Variants in ADAM28 observed in about 807,000 individuals in gnomAD.
ADAM28 encodes the protein ADAM metallopeptidase domain 28.
Under a neutral mutation model 101.2 loss-of-function variants are expected in ADAM28, and 105 were observed. The ratio of observed to expected loss-of-function variants is 1.04; its 90% confidence interval spans 0.89 to 1.22. The LOEUF is 1.22. ADAM28 is among the 50% of genes most tolerant of loss of function. The pLI, the probability that ADAM28 is intolerant of heterozygous loss-of-function variation, is 0.00. For missense variants in ADAM28, 1,028 were observed against 945.4 expected (o/e 1.09, Z -1.15); for synonymous variants, 322 against 310.6 (o/e 1.04, Z -0.39).
chr8:24,304,836 A>G (rs1018795630), intron 2 of ADAM28, among the ~76,000 whole-genome samples: 4 of 151,444 alleles, frequency 2.6e-5, no homozygotes, highest in South Asian at 2.1e-4. Flanking sequence ...AATCATTGGA[A>G]CCTGGGAGGC....
intron 21 of ADAM28, 130 bp downstream of exon 21, chr8:24,352,182 A>C (rs1816237972): frequency 2.4e-6 from 2 of 841,636 alleles, no homozygotes; most frequent in Non-Finnish European, 1.8e-6. Flanking sequence ...TTAATATAAA[A>C]TACAAATTCT....
chr8:24,335,876 T>C, intron 14 of ADAM28: 2 of 1,219,324 alleles, frequency 1.6e-6, no homozygotes, highest in Admixed American at 3.8e-5. Context: ...TTTGTTAATT[T>C]TTTGTTTTTT....
At chr8:24,339,029 T>C (rs1814438278) in intron 14 of ADAM28, among the ~76,000 whole-genome samples, 1 of 151,896 alleles carries the variant, frequency 6.6e-6, no homozygotes, top group African/African-American at 2.4e-5. Context: ...TAAATATAAA[T>C]TATATATCCT....
In ADAM28 at chr8:24,343,198, T is replaced by G. The variant is rs1396478160; in HGVS notation, c.1911+17T>G. The G allele has an allele frequency of 1.2e-6, 2 of 1,611,534 alleles. No individual in the cohort carries two copies. The highest frequency in any genetic ancestry group is 1.7e-6 in the Non-Finnish European group (2 of 1,177,874). On this transcript the variant is annotated intron_variant, in intron 17 of 22. Coordinates refer to ENST00000265769, the MANE Select transcript of ADAM28 (RefSeq NM_014265.6). ...GGACATGCTGTAAGTTCTGAAAATA[T>G]GTTTCCCTAAGCTCTCTGAATCTTA...
At chr8:24,346,720 T>C (rs1219883851) in intron 18 of ADAM28, among the ~76,000 whole-genome samples, 1 of 152,106 alleles carries the variant, frequency 6.6e-6, no homozygotes, top group East Asian at 1.9e-4. Context: ...TCATGTAATA[T>C]AATAAGGGCC....
intron 8 of ADAM28, 163 bp downstream of exon 8, chr8:24,321,452 AAC>A: frequency 1.5e-6 from 1 of 680,944 alleles, no homozygotes; most frequent in Non-Finnish European, 2.7e-6. Context: ...TACATAGGTG[AAC>A]ATGAATATTA....
chr8:24,344,055 A>G (rs915541670), intron 18 of ADAM28, among the ~76,000 whole-genome samples: 5 of 152,120 alleles, frequency 3.3e-5, no homozygotes, highest in South Asian at 2.1e-4. Context: ...CCTTAGTTCA[A>G]TGTGGAATTG....
At chr8:24,301,424 G>A (rs1028366303) in intron 2 of ADAM28, among the ~76,000 whole-genome samples, 1 of 151,790 alleles carries the variant, frequency 6.6e-6, no homozygotes, top group African/African-American at 2.4e-5. Context: ...CATGACATGC[G>A]ATTTACCTGT....
rs1338337057 is a variant in ADAM28 at position 24,353,653 on chromosome 8, G to C, written c.2245-117G>C. 8 of 745,184 alleles carry C rather than the reference G, an allele frequency of 1.1e-5. No individual in the cohort carries two copies. In the Admixed American group the frequency reaches 1.9e-4, roughly 18 times the overall value. 46.2% of individuals were successfully genotyped at this position (745,184 alleles called of 1,614,324 possible). A position where few individuals can be genotyped will look rare whatever the true frequency, so the allele number is the denominator to read the frequency against. ...TGAACTGGACCTTGAAAGTTGGGTA[G>C]AATTTAAATGAGTGAAGAAGAGCTA... On this transcript the variant is annotated intron_variant, in intron 21 of 22. Coordinates refer to ENST00000265769, the MANE Select transcript of ADAM28 (RefSeq NM_014265.6).
At chr8:24,348,218 T>TA (rs1462942671) in intron 18 of ADAM28, among the ~76,000 whole-genome samples, 1 of 152,258 alleles carries the variant, frequency 6.6e-6, no homozygotes, top group Non-Finnish European at 1.5e-5. Context: ...TTTGCTTTTT[T>TA]AAAAAAATAA....
At chr8:24,338,631 T>TA (rs1814388663) in intron 14 of ADAM28, among the ~76,000 whole-genome samples, 1 of 152,216 alleles carries the variant, frequency 6.6e-6, no homozygotes, top group African/African-American at 2.4e-5. Context: ...GAAATTCGTT[T>TA]AAAAGTATTT....
At position 24,353,720 on chromosome 8, in the gene ADAM28, A is replaced by T. The variant is rs563012171; in HGVS notation, c.2245-50A>T. 6.5e-5 allele frequency: 75 copies of T among 1,146,204 alleles called. 1 individual carries two copies. In the South Asian group the frequency reaches 8.8e-4, roughly 13 times the overall value. The allele number at this position is 1,146,204 out of a possible 1,614,324, so 71.0% of individuals were successfully genotyped here. ...AGGAAATAAATATAGCTAAGATGGG[A>T]CAAGCATAGCATTTCTAATGCCATA... On this transcript the variant is annotated intron_variant, in intron 21 of 22. Transcript: ENST00000265769.
At chr8:24,296,623 G>A (rs1808002572) in intron 1 of ADAM28, among the ~76,000 whole-genome samples, 1 of 152,118 alleles carries the variant, frequency 6.6e-6, no homozygotes, top group South Asian at 2.1e-4. Context: ...ATGAGCTTTG[G>A]CTTTTCTAAG....
intron 6 of ADAM28, among the ~76,000 whole-genome samples, chr8:24,314,843 C>G (rs1317179470): frequency 6.7e-6 from 1 of 149,664 alleles, no homozygotes. Flanking sequence ...AGTTTTTATA[C>G]ATGACTGAAG....
chr8:24,352,696 C>A (rs1478551968), intron 21 of ADAM28, among the ~76,000 whole-genome samples: 6 of 152,142 alleles, frequency 3.9e-5, no homozygotes, highest in African/African-American at 1.2e-4. Flanking sequence ...TAGGTCTCAA[C>A]TGTGTATGTA....
intron 4 of ADAM28, among the ~76,000 whole-genome samples, chr8:24,310,691 C>A (rs911910491): frequency 1.3e-5 from 2 of 152,106 alleles, no homozygotes; most frequent in African/African-American, 4.8e-5. Flanking sequence ...CAGTGTGTAG[C>A]CATGTGAGGG....
At chr8:24,302,821 C>A (rs554795993) in intron 2 of ADAM28, among the ~76,000 whole-genome samples, 1 of 152,072 alleles carries the variant, frequency 6.6e-6, no homozygotes, top group South Asian at 2.1e-4. Flanking sequence ...GCACAACGTG[C>A]AGGTTTGTTA....
rs117519978 is a variant in ADAM28, at chr8:24,344,920, A to G, written c.1990+1336A>G. ...GTTGCCAAATATTTTTAATATTTCA[A>G]TTAATATTCTATATCATAGCATGCA... is the stretch of plus-strand genomic sequence containing the variant. On this transcript the variant is annotated intron_variant, in intron 18 of 22. Transcript: ENST00000265769. Among the ~76,000 whole-genome samples the G allele has an allele frequency of 6.3e-3, 965 of 152,092 alleles. 13 individuals carry two copies. The highest frequency in any genetic ancestry group is 8.3e-3 in the Non-Finnish European group (567 of 67,964).
chr8:24,301,384 G>A (rs537284274), intron 2 of ADAM28, among the ~76,000 whole-genome samples: 1 of 151,706 alleles, frequency 6.6e-6, no homozygotes, highest in Non-Finnish European at 1.5e-5. Flanking sequence ...TTATTATCTG[G>A]GTGACAAAGT....
Sources: allele counts gnomAD v4.1 joint callset (sites outside exome capture counted in the v4.1 genomes callset), GRCh38; gene constraint gnomAD v4.1.1; transcripts MANE v1.5; gene names NCBI Gene and HGNC (gene_info 2026-07-23, HGNC 2026-07-21).